The following ATP2B2 variants were observed in gnomAD, a reference collection of about 807,000 sequenced individuals.
The protein encoded by ATP2B2 is ATPase plasma membrane Ca2+ transporting 2.
A neutral mutation model predicts 120.0 loss-of-function variants in ATP2B2; 15 were observed. That is an observed-to-expected ratio of 0.12 (90% CI 0.08 to 0.19). ATP2B2 has a LOEUF of 0.19. Ranked by LOEUF, ATP2B2 falls within the 10% of genes least tolerant of loss-of-function variation. ATP2B2 has a pLI of 1.00. For synonymous variants in ATP2B2, 694 were observed against 700.3 expected (o/e 0.99, Z 0.14); for missense variants, 1,045 against 1,719.8 (o/e 0.61, Z 6.94).
intron 2 of ATP2B2, among the ~76,000 whole-genome samples, chr3:10,562,785 T>C (rs895478295): frequency 2.0e-5 from 3 of 152,188 alleles, no homozygotes; most frequent in Admixed American, 6.5e-5. Context: ...ACAACCTAAA[T>C]GCCCATCAAT....
rs2069985660 is a variant in ATP2B2, at chr3:10,635,127, G to A, written c.-459-15166C>T. Among the ~76,000 whole-genome samples the A allele has an allele frequency of 6.6e-6, 1 of 152,064 alleles. No individual in the cohort carries two copies. Among genetic ancestry groups the A allele is most frequent in the African/African-American group, 2.4e-5 (1 of 41,412 alleles). ...CTGTGGGAGACAATACGGAGCAGGA[G>A]GTACTGTGAGGATATGGAAAGTGTC... is the stretch of plus-strand genomic sequence containing the variant. On this transcript the variant is annotated intron_variant, in intron 1 of 21. Coordinates refer to the ATP2B2 transcript ENST00000646379. The surrounding 1 kb of genome is among the most constrained non-coding windows in gnomAD (Gnocchi z 4.3).
chr3:10,332,965 T>G (rs1363985518), intron 22 of ATP2B2, among the ~76,000 whole-genome samples: 1 of 152,126 alleles, frequency 6.6e-6, no homozygotes, highest in Non-Finnish European at 1.5e-5. Context: ...TTTGAGTTAG[T>G]CAGAAGAGTG....
At chr3:10,349,222 G>C (rs2060509056) in intron 16 of ATP2B2, among the ~76,000 whole-genome samples, 3 of 152,230 alleles carry the variant, frequency 2.0e-5, no homozygotes, top group African/African-American at 7.2e-5. Context: ...GGATGCCAAG[G>C]CAGGAGGACT....
intron 2 of ATP2B2, among the ~76,000 whole-genome samples, chr3:10,536,823 C>T (rs1285019948): frequency 1.3e-5 from 2 of 152,228 alleles, no homozygotes; most frequent in Non-Finnish European, 2.9e-5. Flanking sequence ...CCACCACACC[C>T]AGCCTCTTAC....
intron 1 of ATP2B2, among the ~76,000 whole-genome samples, chr3:10,656,979 C>T (rs529344308): frequency 2.3e-4 from 35 of 152,170 alleles, no homozygotes; most frequent in Middle Eastern, 3.4e-3. Context: ...ATGAGGCCAG[C>T]GGCTGGCTGG....
chr3:10,449,968 T>TGC, intron 1 of ATP2B2, 106 bp from the exon 2 acceptor site: 1 of 322,674 alleles, frequency 3.1e-6, no homozygotes, highest in South Asian at 2.8e-5. Context: ...TAAACAACAC[T>TGC]GACTACACCC....
At chr3:10,666,267 G>C (rs2125686015) in intron 1 of ATP2B2, among the ~76,000 whole-genome samples, 1 of 152,310 alleles carries the variant, frequency 6.6e-6, no homozygotes, top group Admixed American at 6.5e-5. Context: ...CCACAACGGA[G>C]AGAGATGACC....
intron 1 of ATP2B2, chr3:10,625,900 C>T (rs912952008): frequency 4.6e-5 from 7 of 152,204 alleles, no homozygotes; most frequent in Non-Finnish European, 1.0e-4. Flanking sequence ...GCAGTATCCA[C>T]CCAGGATTTA....
upstream of ATP2B2, among the ~76,000 whole-genome samples, chr3:10,505,939 A>C (rs1291865583): frequency 4.6e-5 from 7 of 151,530 alleles, no homozygotes; most frequent in Admixed American, 3.9e-4. Flanking sequence ...GGGCACGGAG[A>C]GGGTAGGGCT....
At chr3:10,576,813 C>T (rs749519620) in intron 2 of ATP2B2, among the ~76,000 whole-genome samples, 3 of 151,924 alleles carry the variant, frequency 2.0e-5, no homozygotes, top group Non-Finnish European at 4.4e-5. Context: ...GTCTGTAATC[C>T]CAGCACTTTG....
At chr3:10,666,808 C>T (rs978809163) in intron 1 of ATP2B2, among the ~76,000 whole-genome samples, 6 of 152,314 alleles carry the variant, frequency 3.9e-5, no homozygotes, top group African/African-American at 7.2e-5. Flanking sequence ...CGCCCTGAGA[C>T]CTGCTTTTCT....
chr3:10,393,509 C>T (rs1346958841), intron 5 of ATP2B2, among the ~76,000 whole-genome samples: 1 of 152,192 alleles, frequency 6.6e-6, no homozygotes, highest in African/African-American at 2.4e-5. Context: ...CAGGGGGTCA[C>T]CTCTGCATTC....
At position 10,454,366 on chromosome 3, in the gene ATP2B2, A is replaced by ATTC. The variant is rs2064179512; in HGVS notation, c.-319-4505_-319-4504insGAA. On this transcript the variant is annotated intron_variant, in intron 1 of 22. Transcript: ENST00000360273. Reference sequence around the variant, plus strand: ...CTTAATAAAAAGATGAATCATGAAGAAACTGAAATACACAACTGTCTGCTA... The same window carrying ATTC: ...CTTAATAAAAAGATGAATCATGAAGATTCAACTGAAATACACAACTGTCTGCTA... Among the ~76,000 whole-genome samples, 3 of 152,350 alleles carry ATTC rather than the reference A, an allele frequency of 2.0e-5. No individual in the cohort carries two copies. The South Asian group carries it at 6.2e-4, about 32-fold the overall frequency.
chr3:10,512,498 ACACACAC>A (rs1559431584), intron 3 of ATP2B2, among the ~76,000 whole-genome samples: 10 of 151,756 alleles, frequency 6.6e-5, no homozygotes, highest in African/African-American at 2.2e-4. Context: ...ACACACACAC[ACACACAC>A]ACACACACAC....
chr3:10,631,072 C>T (rs1053940285), intron 1 of ATP2B2, among the ~76,000 whole-genome samples: 1 of 152,324 alleles, frequency 6.6e-6, no homozygotes, highest in East Asian at 1.9e-4. Flanking sequence ...AGCCCAGCTG[C>T]GTGTCCTGGA....
At chr3:10,654,450 G>A (rs1462219712) in intron 1 of ATP2B2, among the ~76,000 whole-genome samples, 6 of 152,114 alleles carry the variant, frequency 3.9e-5, no homozygotes, top group African/African-American at 7.2e-5. Context: ...CTGAGCATCC[G>A]AGTGGATGAG....
At chr3:10,407,266 T>C (rs1265419906) in intron 3 of ATP2B2, among the ~76,000 whole-genome samples, 1 of 152,126 alleles carries the variant, frequency 6.6e-6, no homozygotes, top group Non-Finnish European at 1.5e-5. Context: ...CTTAAGAAAA[T>C]GGCAAGTGAT....
Position 10,539,928 on chromosome 3 carries a change from G to C in ATP2B2, c.-414-5795C>G, listed in dbSNP as rs545344872. ...AAAGAAACTACCATCAGAGTGAACAGGCAACCTACAGAATGGGAGAAAATT... is the reference window on the plus strand; with the variant it reads ...AAAGAAACTACCATCAGAGTGAACACGCAACCTACAGAATGGGAGAAAATT... On this transcript the variant is annotated intron_variant, in intron 2 of 21. Transcript: ENST00000646379. Among the ~76,000 whole-genome samples the C allele has an allele frequency of 2.0e-5, 3 of 152,286 alleles. No homozygotes were observed. The South Asian group carries it at 6.2e-4, about 32-fold the overall frequency.
chr3:10,491,071 T>G (rs1352276498), intron 1 of ATP2B2, among the ~76,000 whole-genome samples: 1 of 152,146 alleles, frequency 6.6e-6, no homozygotes, highest in Non-Finnish European at 1.5e-5. Flanking sequence ...TCAGAGTCCC[T>G]GCCCTTGCTC....
Sources: allele counts gnomAD v4.1 joint callset (sites outside exome capture counted in the v4.1 genomes callset), GRCh38; gene constraint gnomAD v4.1.1; non-coding constraint Gnocchi (gnomAD v3.1); transcripts MANE v1.5; gene names NCBI Gene and HGNC (gene_info 2026-07-23, HGNC 2026-07-21).